CASTOR2: variants seen among roughly 807,000 people sequenced by gnomAD.
CASTOR2 encodes the protein GATS protein like 2.
CASTOR2 carries 8 observed loss-of-function variants against 31.2 expected under a neutral mutation model. That is an observed-to-expected ratio of 0.26 (90% CI 0.15 to 0.46). The LOEUF is 0.46. Among genes scored for constraint, CASTOR2 ranks in the 20% least tolerant of loss-of-function variants. The pLI is 0.99. For synonymous variants in CASTOR2, 162 were observed against 158.7 expected (o/e 1.02, Z -0.16); for missense variants, 216 against 382.1 (o/e 0.57, Z 3.62).
chr7:74,982,280 C>T (rs1425853459), intron 1 of CASTOR2, among the ~76,000 whole-genome samples: 18 of 144,080 alleles, frequency 1.2e-4, no homozygotes, highest in Non-Finnish European at 2.6e-4. Context: ...GCCCACTCCC[C>T]TGCATGCAGG....
chr7:75,002,605 G>A (rs1469433303), intron 1 of CASTOR2, among the ~76,000 whole-genome samples: 1 of 151,954 alleles, frequency 6.6e-6, no homozygotes, highest in East Asian at 1.9e-4. Flanking sequence ...TGGGCAACAA[G>A]AGCAAAACTT....
chr7:74,970,102 CTGACCATCAGAG>C (rs1554434952), intron 1 of CASTOR2, among the ~76,000 whole-genome samples: 3 of 145,306 alleles, frequency 2.1e-5, no homozygotes, highest in Admixed American at 7.1e-5. Flanking sequence ...TGATGGATTT[CTGACCATCAGAG>C]TGACCCAGAT....
At chr7:74,986,164 A>T (rs1804060588) in intron 1 of CASTOR2, among the ~76,000 whole-genome samples, 1 of 151,308 alleles carries the variant, frequency 6.6e-6, no homozygotes, top group African/African-American at 2.4e-5. Flanking sequence ...TCCTGACCTC[A>T]AGTGATCAGC....
rs1326524879 is a variant in CASTOR2 at position 75,027,966 on chromosome 7, C to T, written c.*3267C>T. On this transcript the variant is annotated 3_prime_UTR_variant, in exon 9 of 9. Transcript: ENST00000616305. ...CCCACTTGGAGGGGCATGTGTTTCTCAGAGGGGCTCCATCCGCAGTTGCAT... is the reference window on the plus strand; with the variant it reads ...CCCACTTGGAGGGGCATGTGTTTCTTAGAGGGGCTCCATCCGCAGTTGCAT... The T allele has an allele frequency of 4.0e-6, 6 of 1,497,548 alleles. No individual in the cohort carries two copies. In the African/African-American group the frequency reaches 6.9e-5, roughly 17 times the overall value. The allele number at this position is 1,497,548 out of a possible 1,614,324, so 92.8% of individuals were successfully genotyped here. A position where few individuals can be genotyped will look rare whatever the true frequency, so the allele number is the denominator to read the frequency against.
At chr7:75,019,442 G>A (rs1177708204) in intron 5 of CASTOR2, among the ~76,000 whole-genome samples, 26 of 152,202 alleles carry the variant, frequency 1.7e-4, no homozygotes, top group African/African-American at 6.3e-4. Context: ...GACCCACCCC[G>A]GAACTAGTTT....
intron 1 of CASTOR2, among the ~76,000 whole-genome samples, chr7:74,993,289 C>T (rs1804255728): frequency 1.3e-5 from 2 of 152,062 alleles, no homozygotes; most frequent in Non-Finnish European, 2.9e-5. Flanking sequence ...GAAGTGAGTT[C>T]CCCATCCCTA....
chr7:75,024,908 C>T lies in CASTOR2; in HGVS notation c.*209C>T, dbSNP rs1345735276. On this transcript the variant is annotated 3_prime_UTR_variant, in exon 9 of 9. Coordinates refer to ENST00000616305, the MANE Select transcript of CASTOR2 (RefSeq NM_001145064.3). ...GCCCTCCTGCCTTCCCGGAGCCCCC[C>T]GACCCTCCAGAGAACGACCTTTCTC... 8.3e-5 allele frequency: 104 copies of T among 1,246,732 alleles called. No homozygotes were observed. Among genetic ancestry groups the T allele is most frequent in the Non-Finnish European group, 1.0e-4 (90 of 897,710 alleles). The allele number at this position is 1,246,732 out of a possible 1,614,324, so 77.2% of individuals were successfully genotyped here.
rs1015847268 is a variant in CASTOR2 at position 75,028,023 on chromosome 7, C to T, written c.*3324C>T. ...CCTTACCTGTTTGCCGTCCATCCCC[C>T]GGAGGTAATCAGAGGAGTGGGCCTG... On this transcript the variant is annotated 3_prime_UTR_variant, in exon 9 of 9. Coordinates refer to ENST00000616305, the MANE Select transcript of CASTOR2 (RefSeq NM_001145064.3). 1,936 of 1,534,804 alleles carry T rather than the reference C, an allele frequency of 1.3e-3. 12 individuals are homozygous for T. The African/African-American group carries it at 0.021, about 17-fold the overall frequency.
At chr7:75,002,444 C>A (rs1486770089) in intron 1 of CASTOR2, among the ~76,000 whole-genome samples, 61 of 151,408 alleles carry the variant, frequency 4.0e-4, no homozygotes, top group Middle Eastern at 7.0e-3. Flanking sequence ...CATGGTGAAA[C>A]CCTGTCTCTG....
chr7:75,004,875 G>T lies in CASTOR2; in HGVS notation c.114-3119G>T, dbSNP rs1804573057. On this transcript the variant is annotated intron_variant, in intron 1 of 8. Coordinates refer to ENST00000616305, the MANE Select transcript of CASTOR2 (RefSeq NM_001145064.3). ...TTGTATGATCTTGTGAGGTTTTTTT[G>T]TTTTTTTGAGGTGGAGTCTGAATCT... 7.9e-5 allele frequency among the ~76,000 whole-genome samples: 12 copies of T among 151,634 alleles called. No homozygotes were observed. In the South Asian group the frequency reaches 2.5e-3, roughly 32 times the overall value.
intron 2 of CASTOR2, among the ~76,000 whole-genome samples, chr7:75,017,207 G>GA (rs1804883817): frequency 6.6e-6 from 1 of 152,124 alleles, no homozygotes; most frequent in Non-Finnish European, 1.5e-5. Context: ...CCAGCACTTG[G>GA]GGAGGCTGAT....
At chr7:75,002,999 T>TCAGG (rs1385053486) in intron 1 of CASTOR2, among the ~76,000 whole-genome samples, 1 of 152,090 alleles carries the variant, frequency 6.6e-6, no homozygotes, top group East Asian at 1.9e-4. Flanking sequence ...AAGGATGGCC[T>TCAGG]GCAAGGGGGT....
At chr7:75,008,860 G>A (rs200013357) in intron 2 of CASTOR2, among the ~76,000 whole-genome samples, 1 of 152,138 alleles carries the variant, frequency 6.6e-6, no homozygotes, top group East Asian at 1.9e-4. Flanking sequence ...TGAGGTGGGA[G>A]GATTGCTTAA....
intron 1 of CASTOR2, among the ~76,000 whole-genome samples, chr7:74,995,777 C>T (rs1406636792): frequency 3.4e-4 from 51 of 151,222 alleles, no homozygotes; most frequent in African/African-American, 8.5e-4. Context: ...CACTGCGCTC[C>T]AGCCTGGGCA....
intron 1 of CASTOR2, among the ~76,000 whole-genome samples, chr7:74,967,519 C>A: frequency 6.9e-6 from 1 of 144,486 alleles, no homozygotes; most frequent in Non-Finnish European, 1.5e-5. Flanking sequence ...CCTGAGGGTC[C>A]CTGTGCCACC....
chr7:75,027,685 C>T lies in CASTOR2; in HGVS notation c.*2986C>T, dbSNP rs1450132191. ...TGCAGGGGTGGTCCCTGTTCAAGCC[C>T]GCTCCGTGGGAGCTGCCCCCTGGGG... is the stretch of plus-strand genomic sequence containing the variant. On this transcript the variant is annotated 3_prime_UTR_variant, in exon 9 of 9. Transcript: ENST00000616305. 2.0e-5 allele frequency: 7 copies of T among 358,212 alleles called. No homozygotes were observed. Among genetic ancestry groups the T allele is most frequent in the South Asian group, 4.8e-5 (2 of 41,412 alleles). The allele number at this position is 358,212 out of a possible 1,614,324, so 22.2% of individuals were successfully genotyped here.
rs1805080189 is a variant in CASTOR2 at position 75,024,699 on chromosome 7, G to A, written c.990G>A (p.Ter330=). 6.4e-7 allele frequency: 1 copy of A among 1,551,504 alleles called. No homozygotes were observed. Among genetic ancestry groups the A allele is most frequent in the Non-Finnish European group, 8.7e-7 (1 of 1,146,864 alleles). ...AGGTCAGCCAAGCAGAGAAGCACTA[G>A]AAGGGTCTCTTCTGCTCCTCCCTGC... ...ALKVSQAEKH[*] Residue 330 remains the stop codon, a stop_retained_variant, in exon 9 of 9, where the codon TAG becomes TAA. Transcript: ENST00000616305.
intron 5 of CASTOR2, 100 bp from the exon 6 acceptor site, chr7:75,019,939 G>A (rs1804954109): frequency 5.7e-6 from 6 of 1,055,748 alleles, no homozygotes; most frequent in Non-Finnish European, 8.3e-6. Flanking sequence ...GGTCACCCAG[G>A]TGGCATCAAA....
intron 2 of CASTOR2, among the ~76,000 whole-genome samples, chr7:75,011,784 A>G (rs1334339692): frequency 2.0e-5 from 3 of 149,970 alleles, no homozygotes; most frequent in Non-Finnish European, 4.4e-5. Flanking sequence ...CCTGACCAAC[A>G]TGGAGGAACC....
Sources: gnomAD v4.1 joint callset for allele counts (sites outside exome capture counted in the v4.1 genomes callset) on GRCh38, gnomAD v4.1.1 for gene constraint, MANE v1.5 for transcripts, NCBI Gene and HGNC (gene_info 2026-07-23, HGNC 2026-07-21) for gene names.